NAF1: variants seen among roughly 807,000 people sequenced by gnomAD.
The protein encoded by NAF1 is H/ACA ribonucleoprotein complex non-core subunit NAF1.
In NAF1, 11 loss-of-function variants were observed where a neutral mutation model predicts 40.6. That is an observed-to-expected ratio of 0.27 (90% CI 0.17 to 0.45). NAF1 has a LOEUF of 0.45. Among genes scored for constraint, NAF1 ranks in the 20% least tolerant of loss-of-function variants. The probability of loss-of-function intolerance (pLI) is 1.00; values close to 1 mark genes in which losing one functional copy is unlikely to be tolerated. For missense variants in NAF1, 607 were observed against 611.1 expected (o/e 0.99, Z 0.07); for synonymous variants, 260 against 228.5 (o/e 1.14, Z -1.24).
chr4:163,158,007 A>T (rs1732058563), intron 2 of NAF1, among the ~76,000 whole-genome samples: 1 of 152,124 alleles, frequency 6.6e-6, no homozygotes, highest in African/African-American at 2.4e-5. Context: ...TTCTAAAGTA[A>T]AATTATATAA....
Position 163,137,245 on chromosome 4 carries a change from T to C in NAF1, c.884A>G (p.Lys295Arg). ...YIFTEKLKQD[K>R]GSDASWKNDQ... ...ATTCTTCCATGATGCATCTGATCCCTTATCCCTGAGTGGGGTGGGGATGGG... is the reference window on the plus strand; with the variant it reads ...ATTCTTCCATGATGCATCTGATCCCCTATCCCTGAGTGGGGTGGGGATGGG... The change falls in exon 6 of 8, where the codon AAG (lysine) becomes AGG (arginine). Residue 295 changes from lysine to arginine, a missense_variant. Lys to Arg is a conservative substitution (Grantham distance 26). This residue lies in a region of NAF1 where 407 missense variants were observed against 365.5 expected (regional missense o/e 1.11). Coordinates refer to ENST00000274054, the MANE Select transcript of NAF1 (RefSeq NM_138386.3). 1.9e-6 allele frequency: 3 copies of C among 1,607,746 alleles called. No individual in the cohort carries two copies. The highest frequency in any genetic ancestry group is 1.7e-6 in the Non-Finnish European group (2 of 1,175,808).
downstream of NAF1, among the ~76,000 whole-genome samples, chr4:163,109,797 G>C (rs947724865): frequency 1.3e-5 from 2 of 152,170 alleles, no homozygotes; most frequent in African/African-American, 4.8e-5. Context: ...ACTCTGCATA[G>C]ATATAGAGAT....
intron 2 of NAF1, among the ~76,000 whole-genome samples, chr4:163,153,092 G>T (rs1007293432): frequency 2.6e-5 from 4 of 152,218 alleles, no homozygotes; most frequent in Non-Finnish European, 2.9e-5. Context: ...GCGGGGCAGG[G>T]CTCGGGACCT....
At chr4:163,155,777 G>C (rs1308171210) in intron 2 of NAF1, among the ~76,000 whole-genome samples, 1 of 152,128 alleles carries the variant, frequency 6.6e-6, no homozygotes, top group Non-Finnish European at 1.5e-5. Context: ...TTCAGGGAAG[G>C]GTGTATATGT....
Position 163,166,443 on chromosome 4 carries a change from G to C in NAF1, c.285C>G (p.Cys95Trp), listed in dbSNP as rs751082099. Residue 95 changes from cysteine (C) to tryptophan (W), a missense_variant, in exon 1 of 8, where the codon TGC becomes TGG. By Grantham distance (215) the Cys-to-Trp change is radical. Transcript: ENST00000274054. ...GCTCTGCGGCTCCTGGGGAGGTGAC[G>C]CAGTCTCCGCAGGCCGGCGATTCAG... is the stretch of plus-strand genomic sequence containing the variant. ...PPAESPACGD[C>W]VTSPGAAEPA... 3 of 1,605,618 alleles carry C rather than the reference G, an allele frequency of 1.9e-6. No homozygotes were observed. Among genetic ancestry groups the C allele is most frequent in the Non-Finnish European group, 2.6e-6 (3 of 1,176,290 alleles).
At chr4:163,143,587 T>A (rs1462145484) in intron 4 of NAF1, among the ~76,000 whole-genome samples, 1 of 152,178 alleles carries the variant, frequency 6.6e-6, no homozygotes, top group Non-Finnish European at 1.5e-5. Flanking sequence ...GCTAGGTAAC[T>A]CCCAGTTTTT....
downstream of NAF1, among the ~76,000 whole-genome samples, chr4:163,123,218 C>CA: frequency 6.6e-6 from 1 of 152,260 alleles, no homozygotes; most frequent in South Asian, 2.1e-4. Context: ...CTCTTTTAAA[C>CA]AACAGCTCTT....
intron 2 of NAF1, among the ~76,000 whole-genome samples, chr4:163,161,757 C>T (rs1019046872): frequency 1.3e-5 from 2 of 152,080 alleles, no homozygotes; most frequent in Non-Finnish European, 2.9e-5. Context: ...GAGTATAATC[C>T]GTTGTTACTG....
intron 2 of NAF1, among the ~76,000 whole-genome samples, chr4:163,154,252 T>C (rs908121861): frequency 3.9e-5 from 6 of 152,262 alleles, no homozygotes; most frequent in African/African-American, 1.4e-4. Flanking sequence ...TACAGTTTCC[T>C]GTGCATTCCT....
intron 2 of NAF1, among the ~76,000 whole-genome samples, chr4:163,110,628 G>C (rs1040551882): frequency 2.6e-5 from 4 of 152,110 alleles, no homozygotes; most frequent in African/African-American, 9.7e-5. Context: ...GGAAATCTAA[G>C]GTCAAGCAAA....
chr4:163,161,380 G>C (rs1732213262), intron 2 of NAF1, among the ~76,000 whole-genome samples: 1 of 152,024 alleles, frequency 6.6e-6, no homozygotes, highest in South Asian at 2.1e-4. Context: ...GGCTGAGGCA[G>C]AAGAATAGCT....
At chr4:163,115,339 G>A (rs548924931) in intron 2 of NAF1, among the ~76,000 whole-genome samples, 28 of 151,494 alleles carry the variant, frequency 1.8e-4, no homozygotes, top group Non-Finnish European at 3.5e-4. Flanking sequence ...CTCCCGAGTA[G>A]CTGGGACTAC....
chr4:163,144,152 T>C, intron 4 of NAF1: 1 of 290,518 alleles, frequency 3.4e-6, no homozygotes, highest in South Asian at 1.3e-4. Context: ...TTTCACTAGT[T>C]CATCAAGGGA....
At chr4:163,148,309 A>G (rs905554368) in intron 3 of NAF1, 32 bp downstream of exon 3, 9 of 1,389,472 alleles carry the variant, frequency 6.5e-6, no homozygotes, top group Non-Finnish European at 8.8e-6. Context: ...TGTGTTTGGA[A>G]ACAATTTTTA....
At chr4:163,127,290 C>G (rs1415806546), downstream of NAF1, among the ~76,000 whole-genome samples, 1 of 152,062 alleles carries the variant, frequency 6.6e-6, no homozygotes, top group South Asian at 2.1e-4. Context: ...CCACCACGCT[C>G]GGCTAATTTT....
At position 163,139,534 on chromosome 4, in the gene NAF1, T is replaced by C. The variant is rs370179763; in HGVS notation, c.878+689A>G. Among the ~76,000 whole-genome samples the C allele has an allele frequency of 1.3e-3, 199 of 152,290 alleles. 6 individuals carry two copies. The South Asian group carries it at 0.036, about 28-fold the overall frequency. On this transcript the variant is annotated intron_variant, in intron 5 of 7. Transcript: ENST00000274054. ...ACATAATTATAACAAGTTTAGCTGA[T>C]ACAAACAGCTCTACAACTAACAGCT...
intron 6 of NAF1, among the ~76,000 whole-genome samples, chr4:163,134,429 T>C (rs1342250256): frequency 2.0e-5 from 3 of 152,218 alleles, no homozygotes; most frequent in African/African-American, 7.2e-5. Flanking sequence ...GAACTAATTG[T>C]ATGCCTTCCA....
chr4:163,113,872 T>A (rs904340920), intron 2 of NAF1, among the ~76,000 whole-genome samples: 1 of 152,218 alleles, frequency 6.6e-6, no homozygotes, highest in Non-Finnish European at 1.5e-5. Context: ...TGTGTTTTAT[T>A]TACCATGGCA....
At chr4:163,149,576 A>G (rs1287324996) in intron 2 of NAF1, among the ~76,000 whole-genome samples, 1 of 152,172 alleles carries the variant, frequency 6.6e-6, no homozygotes, top group Non-Finnish European at 1.5e-5. Context: ...GAAGTCAGCA[A>G]CATGCCTTTG....
Sources: allele counts gnomAD v4.1 joint callset (sites outside exome capture counted in the v4.1 genomes callset), GRCh38; gene constraint gnomAD v4.1.1; regional missense constraint gnomAD v4.1.1; transcripts MANE v1.5; gene names NCBI Gene and HGNC (gene_info 2026-07-23, HGNC 2026-07-21).